NEMF: variants seen among roughly 807,000 people sequenced by gnomAD.
The protein encoded by NEMF is ribosome quality control complex subunit NEMF.
In NEMF, 89 loss-of-function variants were observed where a neutral mutation model predicts 162.2. The observed-to-expected ratio is 0.55, with a 90% confidence interval of 0.46 to 0.65. NEMF has a LOEUF of 0.65. NEMF is among the 30% of genes least tolerant of loss of function. The pLI is 0.00. For synonymous variants in NEMF, 421 were observed against 404.5 expected (o/e 1.04, Z -0.49); for missense variants, 1,133 against 1,261.9 (o/e 0.90, Z 1.55).
At chr14:49,833,807 C>CA (rs910375538) in intron 7 of NEMF, among the ~76,000 whole-genome samples, 3 of 152,134 alleles carry the variant, frequency 2.0e-5, no homozygotes, top group African/African-American at 7.2e-5. Context: ...ATTCCTTCTC[C>CA]AAAAACTTAC....
chr14:49,802,801 T>C (rs936899610), intron 20 of NEMF, 74 bp from the exon 21 acceptor site: 10 of 1,082,986 alleles, frequency 9.2e-6, no homozygotes, highest in Non-Finnish European at 1.4e-5. Flanking sequence ...CAAAAAAAAA[T>C]TAGTGTCAGA....
At chr14:49,815,579 CTAATA>C (rs1460576834) in intron 16 of NEMF, among the ~76,000 whole-genome samples, 1 of 152,120 alleles carries the variant, frequency 6.6e-6, no homozygotes, top group Non-Finnish European at 1.5e-5. Context: ...CTTAAACTCC[CTAATA>C]TAATAGTGAA....
chr14:49,832,247 G>A lies in NEMF; in HGVS notation c.766C>T (p.Pro256Ser), dbSNP rs1189684737. Reference protein sequence around the residue: ...GYIIQKREIKPSLEADKPVED... With the variant: ...GYIIQKREIKSSLEADKPVED... ...ACTGGTTTATCTGCTTCCAAGCTTG[G>A]TTTTATTTCTCTTTTCTGAATGATA... Residue 256 changes from proline to serine, a missense_variant, in exon 9 of 33, where the codon CCA (proline) becomes TCA (serine). Around this residue, in one of 3 missense-constraint regions of NEMF, gnomAD observed 582 missense variants for 631.5 expected, o/e 0.92. Transcript: ENST00000298310. 2 of 1,605,142 alleles carry A rather than the reference G, an allele frequency of 1.2e-6. No homozygotes were observed. Among genetic ancestry groups the A allele is most frequent in the Admixed American group, 1.7e-5 (1 of 59,654 alleles).
chr14:49,803,158 G>C, intron 20 of NEMF, 79 bp downstream of exon 20: 1 of 1,040,054 alleles, frequency 9.6e-7, no homozygotes, highest in Non-Finnish European at 1.5e-6. Flanking sequence ...TTTGTTCTAA[G>C]AGTATTTGTA....
intron 8 of NEMF, among the ~76,000 whole-genome samples, chr14:49,833,158 C>G (rs932194799): frequency 1.1e-4 from 17 of 151,920 alleles, no homozygotes; most frequent in Non-Finnish European, 2.4e-4. Context: ...CCCAGCTACT[C>G]GGGAGGCTGA....
chr14:49,848,452 T>C (rs1476586746), intron 3 of NEMF, among the ~76,000 whole-genome samples: 1 of 152,212 alleles, frequency 6.6e-6, no homozygotes, highest in Non-Finnish European at 1.5e-5. Context: ...AAGACTACTC[T>C]GTAGCCTCTA....
chr14:49,803,767 G>A (rs553614965), intron 19 of NEMF, among the ~76,000 whole-genome samples: 5 of 151,854 alleles, frequency 3.3e-5, no homozygotes, highest in African/African-American at 9.7e-5. Context: ...CTCATGATCC[G>A]CCTGCCTCGG....
intron 4 of NEMF, chr14:49,844,754 C>CACAT: frequency 3.2e-6 from 1 of 309,134 alleles, no homozygotes; most frequent in Non-Finnish European, 7.0e-6. Flanking sequence ...CACACACACA[C>CACAT]ACACACACAC....
Position 49,800,511 on chromosome 14 carries a change from G to T in NEMF, c.2281C>A (p.Gln761Lys). The T allele has an allele frequency of 1.2e-6, 2 of 1,613,800 alleles. No individual in the cohort carries two copies. The highest frequency in any genetic ancestry group is 1.7e-6 in the Non-Finnish European group (2 of 1,179,826). The change falls in exon 23 of 33, where the codon CAG becomes AAG. Residue 761 changes from glutamine to lysine, a missense_variant. This residue lies in a region of NEMF where 532 missense variants were observed against 578.6 expected (regional missense o/e 0.92). Coordinates refer to ENST00000298310, the MANE Select transcript of NEMF (RefSeq NM_004713.6). ...EGEYEEVRKDQDSVGEMKDEG... is the reference protein window; with the variant it reads ...EGEYEEVRKDKDSVGEMKDEG... ...TCCTTCATTTCACCAACAGAATCCTGATCTTTTCTAACCTCTTCATATTCT... is the reference window on the plus strand; with the variant it reads ...TCCTTCATTTCACCAACAGAATCCTTATCTTTTCTAACCTCTTCATATTCT...
intron 8 of NEMF, among the ~76,000 whole-genome samples, chr14:49,832,697 T>C (rs1289441491): frequency 1.3e-5 from 2 of 152,174 alleles, no homozygotes; most frequent in Admixed American, 6.5e-5. Flanking sequence ...ATGACTGATA[T>C]TAATTTTAAT....
rs771200910 is a variant in NEMF at position 49,832,270 on chromosome 14, A to G, written c.743T>C (p.Ile248Thr). 7.0e-6 allele frequency: 11 copies of G among 1,579,966 alleles called. No homozygotes were observed. In the Admixed American group the frequency reaches 1.9e-4, roughly 27 times the overall value. The change falls in exon 9 of 33, where the codon ATC (isoleucine) becomes ACC (threonine). Residue 248 changes from isoleucine (I) to threonine (T), a missense_variant. By Grantham distance (89) the Ile-to-Thr change is moderately conservative. Transcript: ENST00000298310. ...TTSNFSGKGY[I>T]IQKREIKPSL... ...TGGTTTTATTTCTCTTTTCTGAATGATATATCCCTACAAAAATGCAACATT... is the reference window on the plus strand; with the variant it reads ...TGGTTTTATTTCTCTTTTCTGAATGGTATATCCCTACAAAAATGCAACATT...
chr14:49,841,988 C>T (rs1893235380), intron 4 of NEMF, among the ~76,000 whole-genome samples: 2 of 151,976 alleles, frequency 1.3e-5, no homozygotes, highest in Non-Finnish European at 2.9e-5. Context: ...GCCTGTAATC[C>T]CAGCTACTCA....
intron 4 of NEMF, chr14:49,844,695 ATTTAT>A (rs1339195092): frequency 6.1e-6 from 1 of 164,882 alleles, no homozygotes; most frequent in Non-Finnish European, 1.3e-5. Flanking sequence ...AAATTTATGT[ATTTAT>A]TTATTTATAT....
At chr14:49,851,280 G>A (rs34978283) in intron 3 of NEMF, among the ~76,000 whole-genome samples, 2,369 of 152,322 alleles carry the variant, frequency 0.016, 33 homozygotes, top group Non-Finnish European at 0.023. Context: ...TTGATGCAGA[G>A]AAGTGAATTA....
intron 6 of NEMF, 101 bp from the exon 7 acceptor site, chr14:49,834,550 A>G: frequency 1.3e-6 from 1 of 764,774 alleles, no homozygotes; most frequent in Non-Finnish European, 2.2e-6. Context: ...GCCGGAGTGC[A>G]ATGGTGCAAT....
chr14:49,822,496 G>C (rs189357224), intron 16 of NEMF, among the ~76,000 whole-genome samples: 132 of 151,020 alleles, frequency 8.7e-4, no homozygotes, highest in African/African-American at 2.9e-3. Flanking sequence ...ACTCCAACAT[G>C]GGCAACAGAG....
intron 26 of NEMF, among the ~76,000 whole-genome samples, chr14:49,791,398 A>G (rs1255148063): frequency 1.3e-5 from 2 of 152,072 alleles, no homozygotes; most frequent in Non-Finnish European, 2.9e-5. Context: ...CATTCCAAGT[A>G]AAGTATCTGT....
chr14:49,807,504 G>C (rs1055146665), intron 18 of NEMF, among the ~76,000 whole-genome samples: 1 of 151,024 alleles, frequency 6.6e-6, no homozygotes, highest in African/African-American at 2.4e-5. Flanking sequence ...AGTATTCTAT[G>C]TTCTCCACCA....
At chr14:49,836,590 G>A (rs1402952122) in intron 6 of NEMF, among the ~76,000 whole-genome samples, 3 of 152,006 alleles carry the variant, frequency 2.0e-5, no homozygotes, top group Non-Finnish European at 2.9e-5. Flanking sequence ...AAGCTGCAGT[G>A]AGCAGTGTTC....
Sources: allele counts gnomAD v4.1 joint callset (sites outside exome capture counted in the v4.1 genomes callset), GRCh38; gene constraint gnomAD v4.1.1; regional missense constraint gnomAD v4.1.1; transcripts MANE v1.5; gene names NCBI Gene and HGNC (gene_info 2026-07-23, HGNC 2026-07-21).